ADGRL3: variants seen among roughly 807,000 people sequenced by gnomAD.
ADGRL3 encodes adhesion G protein-coupled receptor L3, also known as calcium-independent alpha-latrotoxin receptor 3.
Under a neutral mutation model 153.5 loss-of-function variants are expected in ADGRL3, and 62 were observed. The observed-to-expected ratio is 0.40, with a 90% confidence interval of 0.33 to 0.50. ADGRL3 has a LOEUF of 0.50. Ranked by LOEUF, ADGRL3 falls within the 20% of genes least tolerant of loss-of-function variation. The pLI is 0.47. For synonymous variants in ADGRL3, 710 were observed against 672.5 expected (o/e 1.06, Z -0.86); for missense variants, 1,641 against 1,859.4 (o/e 0.88, Z 2.16).
chr4:61,881,209 G>C (rs2098506379), intron 9 of ADGRL3, among the ~76,000 whole-genome samples: 1 of 151,992 alleles, frequency 6.6e-6, no homozygotes, highest in African/African-American at 2.4e-5. Flanking sequence ...CTGTTTATTA[G>C]AAACGAACAG....
At chr4:61,985,844 T>C (rs1284724581) in intron 19 of ADGRL3, among the ~76,000 whole-genome samples, 1 of 151,770 alleles carries the variant, frequency 6.6e-6, no homozygotes, top group African/African-American at 2.4e-5. Flanking sequence ...CTTTGTGAAT[T>C]GTAATCAAGT....
chr4:61,683,790 C>A (rs1235000962), intron 6 of ADGRL3, among the ~76,000 whole-genome samples: 3 of 152,032 alleles, frequency 2.0e-5, no homozygotes, highest in Non-Finnish European at 4.4e-5. Flanking sequence ...GGGGACCCAC[C>A]CCTATCTGCC....
chr4:61,461,884 T>G (rs1304080520), intron 2 of ADGRL3, among the ~76,000 whole-genome samples: 1 of 152,164 alleles, frequency 6.6e-6, no homozygotes, highest in Non-Finnish European at 1.5e-5. Flanking sequence ...AGAAATGCAT[T>G]CTTATTTTTT....
intron 4 of ADGRL3, among the ~76,000 whole-genome samples, chr4:61,585,719 A>G (rs1270046521): frequency 6.6e-6 from 1 of 152,034 alleles, no homozygotes; most frequent in Non-Finnish European, 1.5e-5. Flanking sequence ...TTGAGTTATC[A>G]TAACTTAACA....
At chr4:61,478,997 A>G (rs1341928933) in intron 2 of ADGRL3, among the ~76,000 whole-genome samples, 2 of 152,066 alleles carry the variant, frequency 1.3e-5, no homozygotes, top group South Asian at 4.1e-4. Context: ...TCTTTGTCCA[A>G]TTGATAGGCA....
chr4:61,796,737 T>A (rs1301338702), intron 8 of ADGRL3, among the ~76,000 whole-genome samples: 1 of 152,216 alleles, frequency 6.6e-6, no homozygotes, highest in Non-Finnish European at 1.5e-5. Flanking sequence ...TTTTTATTAG[T>A]AATTGTTGAT....
intron 4 of ADGRL3, among the ~76,000 whole-genome samples, chr4:61,539,998 G>A (rs1366163632): frequency 6.6e-6 from 1 of 151,990 alleles, no homozygotes; most frequent in Non-Finnish European, 1.5e-5. Context: ...CTTAAGAACT[G>A]GCATTTGAAC....
Position 62,068,168 on chromosome 4 carries a change from C to T in ADGRL3, c.3817C>T (p.Pro1273Ser). ...INSSASLNRE[P>S]YRETKGLLNN... is the part of the protein sequence containing the mutation. ...CTTTTCTTCATGCTGTCGTTTAGAGCCCTACAGAGAGACAAGTATGGGAGT... is the reference window on the plus strand; with the variant it reads ...CTTTTCTTCATGCTGTCGTTTAGAGTCCTACAGAGAGACAAGTATGGGAGT... Residue 1273 changes from proline (P) to serine (S), a missense_variant and splice_region_variant, in exon 26 of 27, where the codon CCC becomes TCC. This residue lies in a region of ADGRL3 where 517 missense variants were observed against 555.0 expected (regional missense o/e 0.93). Transcript: ENST00000683033. The T allele has an allele frequency of 6.4e-7, 1 of 1,573,370 alleles. No homozygotes were observed. Among genetic ancestry groups the T allele is most frequent in the Non-Finnish European group, 8.6e-7 (1 of 1,167,754 alleles).
chr4:61,740,825 A>T (rs1424570608), intron 8 of ADGRL3, among the ~76,000 whole-genome samples: 1 of 152,216 alleles, frequency 6.6e-6, no homozygotes, highest in African/African-American at 2.4e-5. Flanking sequence ...TCTGCTTCCC[A>T]AACACAATCC....
At chr4:61,416,292 G>A (rs1027602142) in intron 2 of ADGRL3, among the ~76,000 whole-genome samples, 25 of 150,796 alleles carry the variant, frequency 1.7e-4, no homozygotes, top group South Asian at 1.0e-3. Flanking sequence ...AGGAAAAGCC[G>A]AAACTGTGAG....
At chr4:61,716,854 A>G (rs1020969065) in intron 6 of ADGRL3, among the ~76,000 whole-genome samples, 2 of 152,152 alleles carry the variant, frequency 1.3e-5, no homozygotes, top group Admixed American at 1.3e-4. Context: ...GCAGCACACC[A>G]GGATTTTATA....
At chr4:62,026,505 A>G (rs1718637406) in intron 21 of ADGRL3, among the ~76,000 whole-genome samples, 1 of 152,140 alleles carries the variant, frequency 6.6e-6, no homozygotes, top group Admixed American at 6.6e-5. Flanking sequence ...AGTTGATAAA[A>G]ACTGCTGAAT....
intron 21 of ADGRL3, among the ~76,000 whole-genome samples, chr4:62,024,782 T>G (rs961152374): frequency 4.6e-5 from 7 of 151,830 alleles, no homozygotes; most frequent in Non-Finnish European, 7.4e-5. Flanking sequence ...TACAGAAAAT[T>G]AGCCTGGTGT....
At chr4:61,242,227 T>C (rs1462583448) in intron 1 of ADGRL3, among the ~76,000 whole-genome samples, 1 of 152,054 alleles carries the variant, frequency 6.6e-6, no homozygotes, top group African/African-American at 2.4e-5. Flanking sequence ...CCTGTTCTGA[T>C]TGTAACCTCA....
chr4:61,774,334 G>T (rs2097121260), intron 8 of ADGRL3, among the ~76,000 whole-genome samples: 2 of 143,684 alleles, frequency 1.4e-5, no homozygotes, highest in African/African-American at 5.2e-5. Context: ...TCCAGCCTGG[G>T]CAACAAGAGC....
intron 22 of ADGRL3, among the ~76,000 whole-genome samples, chr4:62,029,704 GT>G (rs11337568): frequency 0.63 from 85,013 of 134,108 alleles, 26,115 homozygotes; most frequent in Non-Finnish European, 0.68. Context: ...TTCTTTTGTT[GT>G]TTTTTTTTTT....
intron 13 of ADGRL3, 46 bp downstream of exon 13, chr4:61,912,803 T>C (rs752587038): frequency 2.6e-6 from 4 of 1,556,256 alleles, no homozygotes; most frequent in South Asian, 1.1e-5. Context: ...TGAATGTCTC[T>C]GTTGTGATGG....
chr4:62,070,788 G>C lies in ADGRL3; in HGVS notation c.4512G>C (p.Leu1504=), dbSNP rs909106475. 6.4e-7 allele frequency: 1 copy of C among 1,551,528 alleles called. No homozygotes were observed. The highest frequency in any genetic ancestry group is 8.7e-7 in the Non-Finnish European group (1 of 1,146,980). Residue 1504 remains leucine (L), a synonymous_variant, in exon 27 of 27, where the codon CTG becomes CTC. Coordinates refer to ENST00000683033, the MANE Select transcript of ADGRL3 (RefSeq NM_001387552.1). ...GCTCCAGAAACCACGTCCATCAGCTGCATACTTACTACCAGCTAGGTCGCG... is the reference window on the plus strand; with the variant it reads ...GCTCCAGAAACCACGTCCATCAGCTCCATACTTACTACCAGCTAGGTCGCG... The part of the protein sequence containing the change: ...NLGSRNHVHQ[L]HTYYQLGRGS...
intron 21 of ADGRL3, among the ~76,000 whole-genome samples, chr4:61,999,426 G>C (rs2099132829): frequency 6.6e-6 from 1 of 152,042 alleles, no homozygotes; most frequent in Admixed American, 6.6e-5. Flanking sequence ...GTGTTTCTTT[G>C]GAATGTATAA....
Sources: allele counts gnomAD v4.1 joint callset (sites outside exome capture counted in the v4.1 genomes callset), GRCh38; gene constraint gnomAD v4.1.1; regional missense constraint gnomAD v4.1.1; transcripts MANE v1.5; gene names NCBI Gene and HGNC (gene_info 2026-07-23, HGNC 2026-07-21).